The following TTC7A variants were observed in gnomAD, a reference collection of about 807,000 sequenced individuals.
The protein encoded by TTC7A is tetratricopeptide repeat domain 7A.
In TTC7A, 110 loss-of-function variants were observed where a neutral mutation model predicts 103.7. The ratio of observed to expected loss-of-function variants is 1.06; its 90% CI spans 0.91 to 1.24. The LOEUF is 1.24. TTC7A is among the 50% of genes most tolerant of loss of function. The pLI, the probability that TTC7A is intolerant of heterozygous loss-of-function variation, is 0.00. For missense variants in TTC7A, 1,340 were observed against 1,116.3 expected (o/e 1.20, Z -2.86); for synonymous variants, 521 against 467.9 (o/e 1.11, Z -1.47).
At chr2:47,043,863 A>C (rs1168107481) in intron 15 of TTC7A, among the ~76,000 whole-genome samples, 3 of 152,210 alleles carry the variant, frequency 2.0e-5, no homozygotes, top group Non-Finnish European at 4.4e-5. Context: ...ATGCCAGCTC[A>C]GTTTTCATCC....
intron 2 of TTC7A, among the ~76,000 whole-genome samples, chr2:46,922,573 T>G (rs748583561): frequency 2.6e-5 from 4 of 152,182 alleles, no homozygotes; most frequent in Admixed American, 2.0e-4. Context: ...GGCCAAGATA[T>G]ACAGCTTTAC....
chr2:47,026,587 C>T (rs190533538), intron 14 of TTC7A, among the ~76,000 whole-genome samples: 23 of 152,314 alleles, frequency 1.5e-4, no homozygotes, highest in Admixed American at 7.2e-4. Flanking sequence ...AGGGATGGAA[C>T]GCTGACATGG....
intron 2 of TTC7A, among the ~76,000 whole-genome samples, chr2:46,918,593 G>C (rs1232248403): frequency 2.0e-5 from 3 of 152,210 alleles, no homozygotes; most frequent in Non-Finnish European, 4.4e-5. Context: ...ACTAAAATAT[G>C]GAATTGGCTA....
At chr2:47,006,281 GC>G (rs1221536473) in intron 9 of TTC7A, among the ~76,000 whole-genome samples, 1 of 152,218 alleles carries the variant, frequency 6.6e-6, no homozygotes, top group Non-Finnish European at 1.5e-5. Context: ...CATGTGAAAG[GC>G]TGAGAACAGT....
At chr2:46,944,644 G>C (rs917293129) in intron 1 of TTC7A, among the ~76,000 whole-genome samples, 1 of 152,116 alleles carries the variant, frequency 6.6e-6, no homozygotes, top group Non-Finnish European at 1.5e-5. Flanking sequence ...GATCACTTGA[G>C]GCCAGGAGTT....
At chr2:46,924,805 T>C (rs935880344) in intron 2 of TTC7A, among the ~76,000 whole-genome samples, 1 of 152,184 alleles carries the variant, frequency 6.6e-6, no homozygotes, top group African/African-American at 2.4e-5. Context: ...TTTTTGTATT[T>C]TTTGTAGAGA....
intron 18 of TTC7A, chr2:47,054,252 T>C (rs1469629165): frequency 1.3e-6 from 1 of 772,708 alleles, no homozygotes; most frequent in Non-Finnish European, 1.5e-6. Flanking sequence ...TTCTTTCTCA[T>C]GTAACAGTTT....
In TTC7A at chr2:47,060,904, A is replaced by G; in HGVS notation, c.2288A>G (p.Glu763Gly). ...GCTGAGGTGAAGGGCAACCTGGAGG[A>G]GGCCAAGCAGCTGTACAAGGAGGCG... is the stretch of plus-strand genomic sequence containing the variant. ...RLAEVKGNLE[E>G]AKQLYKEALT... Residue 763 changes from glutamate to glycine, a missense_variant, in exon 19 of 20, where the codon GAG becomes GGG. Coordinates refer to ENST00000319190, the MANE Select transcript of TTC7A (RefSeq NM_020458.4). 1 of 1,614,154 alleles carries G rather than the reference A, an allele frequency of 6.2e-7. No individual in the cohort carries two copies.
chr2:46,965,026 A>G (rs957365664), intron 3 of TTC7A, among the ~76,000 whole-genome samples: 1 of 152,196 alleles, frequency 6.6e-6, no homozygotes, highest in African/African-American at 2.4e-5. Flanking sequence ...CGTGGTGCAC[A>G]TGAACTGTGC....
At chr2:46,994,031 A>G (rs541175686) in intron 6 of TTC7A, among the ~76,000 whole-genome samples, 13 of 152,284 alleles carry the variant, frequency 8.5e-5, no homozygotes, top group African/African-American at 2.4e-4. Flanking sequence ...GCTCTTCCCA[A>G]TACTGCAAGG....
chr2:47,049,987 C>T lies in TTC7A; in HGVS notation c.1958C>T (p.Thr653Ile), dbSNP rs1219414886. 1 of 1,614,202 alleles carries T rather than the reference C, an allele frequency of 6.2e-7. No individual in the cohort carries two copies. The highest frequency in any genetic ancestry group is 2.2e-5 in the East Asian group (1 of 44,880). Reference protein sequence around the residue: ...EKDGSFGEGLTMKKQSGMHLT... With the variant: ...EKDGSFGEGLIMKKQSGMHLT... ...GATGGCAGCTTCGGTGAGGGCCTCA[C>T]CATGAAGAAGCAGAGTGGCATGCAC... Residue 653 changes from threonine (T) to isoleucine (I), a missense_variant, in exon 17 of 20, where the codon ACC becomes ATC. Thr to Ile is a moderately conservative substitution (Grantham distance 89, BLOSUM62 -1). Coordinates refer to ENST00000319190, the MANE Select transcript of TTC7A (RefSeq NM_020458.4).
chr2:46,969,536 T>C (rs1467188250), intron 3 of TTC7A, among the ~76,000 whole-genome samples: 1 of 152,088 alleles, frequency 6.6e-6, no homozygotes. Context: ...TGCCTCAGCC[T>C]CCTGAGTAGC....
rs560217700 is a variant in TTC7A at position 47,007,849 on chromosome 2, C to T, written c.1287+1125C>T. Among the ~76,000 whole-genome samples the T allele has an allele frequency of 6.6e-6, 1 of 152,364 alleles. No homozygotes were observed. Among genetic ancestry groups the T allele is most frequent in the East Asian group, 1.9e-4 (1 of 5,188 alleles). On this transcript the variant is annotated intron_variant, in intron 10 of 19. Transcript: ENST00000319190. The surrounding 1 kb of genome is among the most constrained non-coding windows in gnomAD (Gnocchi z 4.9). ...GCATCTTGAAGTCACAGCATGATCT[C>T]CTTGGCTCTGTGCTCAGCAGGGTCT...
intron 11 of TTC7A, 63 bp from the exon 12 acceptor site, chr2:47,021,799 G>C: frequency 3.1e-6 from 4 of 1,290,120 alleles, no homozygotes; most frequent in Non-Finnish European, 4.5e-6. Flanking sequence ...GGTCCAGGGA[G>C]TCATTCACTG....
intron 3 of TTC7A, among the ~76,000 whole-genome samples, chr2:46,959,802 G>T (rs1672214370): frequency 6.6e-6 from 1 of 152,120 alleles, no homozygotes; most frequent in African/African-American, 2.4e-5. Flanking sequence ...TGAGTGAAGG[G>T]GCAGTTGCAG....
chr2:47,068,993 G>A (rs1446367224), intron 19 of TTC7A, among the ~76,000 whole-genome samples: 1 of 151,734 alleles, frequency 6.6e-6, no homozygotes, highest in Non-Finnish European at 1.5e-5. Flanking sequence ...TGTACCTCCT[G>A]CCCAGAGAGG....
At chr2:46,940,755 G>A (rs567810975), upstream of TTC7A, among the ~76,000 whole-genome samples, 14 of 152,338 alleles carry the variant, frequency 9.2e-5, 1 homozygote, top group South Asian at 2.9e-3. This position sits in a 1 kb window ranked among gnomAD's most constrained non-coding sequence, Gnocchi z 4.7. Context: ...ACGGGCCTGG[G>A]TCCTCGCGAG....
intron 8 of TTC7A, among the ~76,000 whole-genome samples, chr2:46,998,264 G>A (rs947990670): frequency 6.6e-6 from 1 of 152,174 alleles, no homozygotes; most frequent in African/African-American, 2.4e-5. Flanking sequence ...TATTGGCAAT[G>A]AACTTAGTTT....
At chr2:47,017,795 T>C (rs1289210435) in intron 11 of TTC7A, among the ~76,000 whole-genome samples, 2 of 151,894 alleles carry the variant, frequency 1.3e-5, no homozygotes, top group African/African-American at 4.8e-5. Context: ...TTCCAGAGGG[T>C]CTTTGATGCC....
Sources: allele counts gnomAD v4.1 joint callset (sites outside exome capture counted in the v4.1 genomes callset), GRCh38; gene constraint gnomAD v4.1.1; non-coding constraint Gnocchi (gnomAD v3.1); transcripts MANE v1.5; gene names NCBI Gene and HGNC (gene_info 2026-07-23, HGNC 2026-07-21).